The following SALL3 variants were observed in gnomAD, a reference collection of about 807,000 sequenced individuals.
SALL3 encodes the protein spalt like transcription factor 3.
A neutral mutation model predicts 66.2 loss-of-function variants in SALL3; 25 were observed. The ratio of observed to expected loss-of-function variants is 0.38; its 90% confidence interval spans 0.28 to 0.53. SALL3 has a LOEUF of 0.53. SALL3 is among the 20% of genes least tolerant of loss of function. The probability of loss-of-function intolerance (pLI) is 0.85; values close to 1 mark genes in which losing one functional copy is unlikely to be tolerated. For missense variants in SALL3, 2,194 were observed against 1,916.5 expected (o/e 1.14, Z -2.70); for synonymous variants, 1,152 against 899.1 (o/e 1.28, Z -5.03).
chr18:78,998,535 G>A lies in SALL3; in HGVS notation c.*1213G>A, dbSNP rs1914775654. ...GACCGCCCCCTAACGAAACCTTGGT[G>A]AATTCATCCTAGGACTATGACGTCA... On this transcript the variant is annotated 3_prime_UTR_variant, in exon 3 of 3. Transcript: ENST00000537592. 6.6e-6 allele frequency: 1 copy of A among 152,310 alleles called. No individual in the cohort carries two copies. Among genetic ancestry groups the A allele is most frequent in the East Asian group, 1.9e-4 (1 of 5,186 alleles). The allele number at this position is 152,310 out of a possible 1,614,324, so 9.4% of individuals were successfully genotyped here.
Position 78,994,367 on chromosome 18 carries a change from C to T in SALL3, c.2376C>T (p.Thr792=), listed in dbSNP as rs2927258. The T allele has an allele frequency of 0.06, 97,139 of 1,613,374 alleles. 3,310 individuals are homozygous for T. Among genetic ancestry groups the T allele is most frequent in the African/African-American group, 0.12 (9,191 of 75,010 alleles). ...CCTACGACGACAAGAACGCGGAGAC[C>T]CTGAGCAGCTACGATGACGACATGG... ...ELAYDDKNAE[T]LSSYDDDMDE... Residue 792 remains threonine, a synonymous_variant, in exon 2 of 3, where the codon ACC becomes ACT. Coordinates refer to ENST00000537592, the MANE Select transcript of SALL3 (RefSeq NM_171999.4).
Position 78,993,033 on chromosome 18 carries a change from C to T in SALL3, c.1042C>T (p.Pro348Ser), listed in dbSNP as rs781306412. Residue 348 changes from proline (P) to serine (S), a missense_variant, in exon 2 of 3, where the codon CCG becomes TCG. Physicochemically the swap from Pro to Ser is moderately conservative, Grantham distance 74 (BLOSUM62 -1). Coordinates refer to ENST00000537592, the MANE Select transcript of SALL3 (RefSeq NM_171999.4). Reference sequence around the variant, plus strand: ...CGCATCCACGCCGCCTGCCCTGGCCCCGGGGTCCCTGCTGGGTGCGGCGCC... The same window carrying T: ...CGCATCCACGCCGCCTGCCCTGGCCTCGGGGTCCCTGCTGGGTGCGGCGCC... ...QSASTPPALA[P>S]GSLLGAAPGL... The T allele has an allele frequency of 4.5e-6, 7 of 1,570,444 alleles. No individual in the cohort carries two copies. In the East Asian group the frequency reaches 1.2e-4, roughly 26 times the overall value.
rs1257146373 is a variant in SALL3 at position 78,980,069 on chromosome 18, C to T, written c.-206C>T. The stretch of plus-strand genomic sequence containing the variant: ...CCTCATTTGCATAGGCCGCCGGAGT[C>T]CGCTGGAGCCCGGCCAATCGGCGCG... On this transcript the variant is annotated 5_prime_UTR_variant, in exon 1 of 3. Coordinates refer to ENST00000537592, the MANE Select transcript of SALL3 (RefSeq NM_171999.4). Among the ~76,000 whole-genome samples the T allele has an allele frequency of 6.8e-6, 1 of 146,088 alleles. No homozygotes were observed. The highest frequency in any genetic ancestry group is 2.5e-5 in the African/African-American group (1 of 40,754).
At chr18:78,991,941 G>T in intron 1 of SALL3, 133 bp from the exon 2 acceptor site, 4 of 645,382 alleles carry the variant, frequency 6.2e-6, no homozygotes, top group Non-Finnish European at 9.6e-6. Flanking sequence ...CATAGAATAC[G>T]CACGCTGGGA....
In SALL3 at chr18:78,994,555, G is replaced by C; in HGVS notation, c.2564G>C (p.Ser855Thr). 6.2e-7 allele frequency: 1 copy of C among 1,611,588 alleles called. No homozygotes were observed. Among genetic ancestry groups the C allele is most frequent in the Non-Finnish European group, 8.5e-7 (1 of 1,179,474 alleles). The part of the protein sequence containing the change: ...NQMKMIDSVM[S>T]CQQLTGLKSV... ...ATGAAGATGATCGACTCGGTCATGAGCTGCCAGCAGCTGACCGGCCTCAAG... is the reference window on the plus strand; with the variant it reads ...ATGAAGATGATCGACTCGGTCATGACCTGCCAGCAGCTGACCGGCCTCAAG... Residue 855 changes from serine (S) to threonine (T), a missense_variant, in exon 2 of 3, where the codon AGC (serine) becomes ACC (threonine). Physicochemically the swap from Ser to Thr is moderately conservative, Grantham distance 58. Coordinates refer to ENST00000537592, the MANE Select transcript of SALL3 (RefSeq NM_171999.4).
chr18:78,990,985 G>A (rs1914412036), intron 1 of SALL3, among the ~76,000 whole-genome samples: 1 of 152,116 alleles, frequency 6.6e-6, no homozygotes, highest in South Asian at 2.1e-4. Context: ...GGCACAAGAG[G>A]GTAAGGGGAG....
rs1225917091 is a variant in SALL3, at chr18:78,997,660, T to G, written c.*338T>G. ...AGGGAGAAAGGGGTTCTCTGCGGTA[T>G]TCCAGTGAAACTCATTTGATGGTTT... On this transcript the variant is annotated 3_prime_UTR_variant, in exon 3 of 3. Transcript: ENST00000537592. 2 of 321,090 alleles carry G rather than the reference T, an allele frequency of 6.2e-6. No homozygotes were observed. Among genetic ancestry groups the G allele is most frequent in the Non-Finnish European group, 1.1e-5 (2 of 175,310 alleles). 19.9% of individuals were successfully genotyped at this position (321,090 alleles called of 1,614,324 possible).
rs763495914 is a variant in SALL3, at chr18:78,993,485, C to T, written c.1494C>T (p.Pro498=). Residue 498 remains proline (P), a synonymous_variant, in exon 2 of 3, where the codon CCC becomes CCT. Transcript: ENST00000537592. ...ACGTGCCCACCTGCTCGGGCATCCC[C>T]TACGGCATGTCGCTGCCCCCCGAGA... is the stretch of plus-strand genomic sequence containing the variant. ...LDNVPTCSGI[P]YGMSLPPEKP... The T allele has an allele frequency of 7.4e-5, 120 of 1,611,682 alleles. No individual in the cohort carries two copies. The highest frequency in any genetic ancestry group is 9.4e-5 in the Non-Finnish European group (111 of 1,179,624).
At chr18:78,991,811 T>A (rs1411947212) in intron 1 of SALL3, 2 of 408,734 alleles carry the variant, frequency 4.9e-6, no homozygotes, top group Non-Finnish European at 8.6e-6. Flanking sequence ...GCAGATTGTA[T>A]GAAAATATTG....
rs761052930 is a variant in SALL3, at chr18:78,997,026, C to T, written c.3607C>T (p.Arg1203Trp). ...SEMFQKDLAA[R>W]AMNVDPSFWN... ...AATGTTCCAGAAGGACCTGGCAGCT[C>T]GGGCAATGAACGTCGACCCCAGTTT... Residue 1203 changes from arginine to tryptophan, a missense_variant, in exon 3 of 3, where the codon CGG becomes TGG. Transcript: ENST00000537592. The T allele has an allele frequency of 5.6e-6, 9 of 1,614,052 alleles. No homozygotes were observed. The highest frequency in any genetic ancestry group is 5.5e-5 in the South Asian group (5 of 91,094).
At chr18:78,995,597 G>T (rs1209078448) in intron 2 of SALL3, 135 bp downstream of exon 2, 1 of 1,370,082 alleles carries the variant, frequency 7.3e-7, no homozygotes, top group Non-Finnish European at 9.6e-7. Context: ...CACGCCTGTG[G>T]GTGTGTGTGC....
chr18:78,995,088 C>T lies in SALL3; in HGVS notation c.3097C>T (p.Pro1033Ser), dbSNP rs1368696734. Reference protein sequence around the residue: ...HLLTHRLKELPSQLFDPNFAL... With the variant: ...HLLTHRLKELSSQLFDPNFAL... The stretch of plus-strand genomic sequence containing the variant: ...ACTGACACACAGATTGAAAGAGCTG[C>T]CTTCTCAGTTATTTGACCCCAACTT... The change falls in exon 2 of 3, where the codon CCT becomes TCT. Residue 1033 changes from proline to serine, a missense_variant. Coordinates refer to ENST00000537592, the MANE Select transcript of SALL3 (RefSeq NM_171999.4). The T allele has an allele frequency of 1.2e-5, 19 of 1,613,762 alleles. No homozygotes were observed. The highest frequency in any genetic ancestry group is 1.6e-5 in the Non-Finnish European group (19 of 1,180,038).
chr18:78,993,851 A>C lies in SALL3; in HGVS notation c.1860A>C (p.Ala620=). 6.4e-7 allele frequency: 1 copy of C among 1,562,116 alleles called. No individual in the cohort carries two copies. The highest frequency in any genetic ancestry group is 1.4e-5 in the African/African-American group (1 of 73,436). The change falls in exon 2 of 3, where the codon GCA becomes GCC. Residue 620 remains alanine (A), a synonymous_variant. Coordinates refer to ENST00000537592, the MANE Select transcript of SALL3 (RefSeq NM_171999.4). ...CCGTGGGCGCGCAGGCTAGCGCTGC[A>C]CCCACATCGGTGGACGGCGCACCCA... The part of the protein sequence containing the change: ...DAPVGAQASA[A]PTSVDGAPTS...
intron 1 of SALL3, 97 bp downstream of exon 1, chr18:78,980,453 C>G: frequency 1.4e-6 from 1 of 717,664 alleles, no homozygotes; most frequent in South Asian, 4.7e-5. Context: ...CGTCCGGGAG[C>G]GGGAGAAAGT....
chr18:78,984,605 G>C (rs118123058), intron 1 of SALL3, among the ~76,000 whole-genome samples: 3,002 of 151,122 alleles, frequency 0.02, 44 homozygotes, highest in Non-Finnish European at 0.029. Context: ...GCAATTTAAT[G>C]TTCCAAGTAA....
Position 78,994,331 on chromosome 18 carries a change from C to T in SALL3, c.2340C>T (p.Asp780=), listed in dbSNP as rs759451510. The T allele has an allele frequency of 1.9e-6, 3 of 1,613,660 alleles. No individual in the cohort carries two copies. In the Admixed American group the frequency reaches 5.0e-5, roughly 27 times the overall value. The change falls in exon 2 of 3, where the codon GAC becomes GAT. Residue 780 remains aspartate (D), a synonymous_variant. Coordinates refer to ENST00000537592, the MANE Select transcript of SALL3 (RefSeq NM_171999.4). ...PLPEGFQDAM[D]SELAYDDKNA... is the part of the protein sequence containing the mutation. Reference sequence around the variant, plus strand: ...CGGAGGGCTTCCAGGATGCCATGGACTCCGAGCTGGCCTACGACGACAAGA... The same window carrying T: ...CGGAGGGCTTCCAGGATGCCATGGATTCCGAGCTGGCCTACGACGACAAGA...
chr18:78,992,755 C>G lies in SALL3; in HGVS notation c.764C>G (p.Pro255Arg), dbSNP rs1414971838. 9.7e-6 allele frequency: 11 copies of G among 1,135,890 alleles called. No individual in the cohort carries two copies. The highest frequency in any genetic ancestry group is 1.2e-5 in the Non-Finnish European group (11 of 927,032). The allele number at this position is 1,135,890 out of a possible 1,614,324, so 70.4% of individuals were successfully genotyped here. A position where few individuals can be genotyped will look rare whatever the true frequency, so the allele number is the denominator to read the frequency against. ...AAAPSAPGPA[P>R]SQLPGLAALP... ...GCCCCGAGCGCACCGGGCCCGGCCC[C>G]CAGCCAGCTGCCCGGGCTGGCCGCG... is the stretch of plus-strand genomic sequence containing the variant. The change falls in exon 2 of 3, where the codon CCC becomes CGC. Residue 255 changes from proline to arginine, a missense_variant. Transcript: ENST00000537592.
intron 1 of SALL3, among the ~76,000 whole-genome samples, chr18:78,988,809 A>G (rs148950505): frequency 6.6e-6 from 1 of 152,382 alleles, no homozygotes; most frequent in East Asian, 1.9e-4. Flanking sequence ...AATAGAAAAT[A>G]TAGATGATGA....
chr18:78,988,861 TTTCC>T (rs1304889652), intron 1 of SALL3, among the ~76,000 whole-genome samples: 2 of 152,224 alleles, frequency 1.3e-5, no homozygotes, highest in African/African-American at 4.8e-5. Flanking sequence ...TTGAAATTTT[TTTCC>T]TTCATTAATA....
Sources: allele counts gnomAD v4.1 joint callset (sites outside exome capture counted in the v4.1 genomes callset), GRCh38; gene constraint gnomAD v4.1.1; transcripts MANE v1.5; gene names NCBI Gene and HGNC (gene_info 2026-07-23, HGNC 2026-07-21).